The following WRN variants were observed in gnomAD, a reference collection of about 807,000 sequenced individuals.
WRN encodes the protein WRN RecQ like helicase.
Under a neutral mutation model 180.7 loss-of-function variants are expected in WRN, and 149 were observed. The observed-to-expected ratio is 0.82, with a 90% CI of 0.72 to 0.94. The LOEUF is 0.94. WRN is among the 40% of genes least tolerant of loss of function. The pLI is 0.00. For missense variants in WRN, 1,661 were observed against 1,700.1 expected (o/e 0.98, Z 0.40); for synonymous variants, 548 against 568.9 (o/e 0.96, Z 0.52).
intron 7 of WRN, among the ~76,000 whole-genome samples, chr8:31,072,599 C>T (rs969731478): frequency 2.0e-5 from 3 of 152,156 alleles, no homozygotes; most frequent in Non-Finnish European, 1.5e-5. Context: ...TCCTGAATAC[C>T]TCGGGTTTCA....
At chr8:31,100,486 C>A (rs549335081) in intron 17 of WRN, among the ~76,000 whole-genome samples, 7 of 152,214 alleles carry the variant, frequency 4.6e-5, no homozygotes, top group Admixed American at 3.3e-4. Context: ...ATAGCTAATG[C>A]ATGAGATAAA....
chr8:31,048,680 A>G (rs980038415), intron 1 of WRN, among the ~76,000 whole-genome samples: 2 of 152,342 alleles, frequency 1.3e-5, no homozygotes, highest in Middle Eastern at 3.4e-3. Context: ...CTTTCTGTTA[A>G]AAATGAAAGG....
At chr8:31,111,058 G>C (rs1469059683) in intron 18 of WRN, among the ~76,000 whole-genome samples, 1 of 151,630 alleles carries the variant, frequency 6.6e-6, no homozygotes, top group African/African-American at 2.4e-5. Flanking sequence ...TATATAGTAT[G>C]TTATTGATTA....
At chr8:31,073,751 T>G (rs940978705) in intron 7 of WRN, among the ~76,000 whole-genome samples, 1 of 152,066 alleles carries the variant, frequency 6.6e-6, no homozygotes, top group Non-Finnish European at 1.5e-5. Flanking sequence ...GGGCCACTAA[T>G]GAAGGAGGGA....
chr8:31,114,783 C>T (rs551144263), intron 19 of WRN, among the ~76,000 whole-genome samples: 5 of 151,646 alleles, frequency 3.3e-5, no homozygotes, highest in Non-Finnish European at 7.4e-5. Context: ...TATCTGCTAT[C>T]TTTCCATATA....
At chr8:31,145,562 CGTT>C (rs1462774225) in intron 28 of WRN, among the ~76,000 whole-genome samples, 7 of 152,316 alleles carry the variant, frequency 4.6e-5, no homozygotes, top group African/African-American at 1.7e-4. Context: ...AGGAGACTAA[CGTT>C]GTTTTCATGC....
intron 23 of WRN, among the ~76,000 whole-genome samples, chr8:31,126,787 A>C (rs532106288): frequency 1.3e-5 from 2 of 152,208 alleles, no homozygotes; most frequent in Middle Eastern, 3.4e-3. Flanking sequence ...GAGAAAATCA[A>C]CTCAAAAGCT....
intron 18 of WRN, among the ~76,000 whole-genome samples, chr8:31,104,379 G>GT (rs1235014900): frequency 2.0e-5 from 3 of 152,074 alleles, no homozygotes. Flanking sequence ...TGGAGTGCTT[G>GT]TTTTTTTCTG....
At chr8:31,100,467 T>C (rs1254959936) in intron 17 of WRN, among the ~76,000 whole-genome samples, 1 of 152,180 alleles carries the variant, frequency 6.6e-6, no homozygotes, top group Non-Finnish European at 1.5e-5. Context: ...ACTCTTTTTA[T>C]CTCTTTTAAT....
chr8:31,068,229 A>G, intron 6 of WRN, 29 bp from the exon 7 acceptor site: 4 of 1,522,114 alleles, frequency 2.6e-6, no homozygotes, highest in Non-Finnish European at 3.6e-6. Context: ...TCTTTAGCAT[A>G]CTTTTTAAAT....
chr8:31,102,404 A>T lies in WRN; in HGVS notation c.2088+1449A>T, dbSNP rs530382659. On this transcript the variant is annotated intron_variant, in intron 18 of 34. Transcript: ENST00000298139. ...CCTAACAACAGGGATATGTTCTGAG[A>T]AATGTGTTCTTAGGACATTTTGTGG... is the stretch of plus-strand genomic sequence containing the variant. Among the ~76,000 whole-genome samples the T allele has an allele frequency of 1.0e-3, 155 of 152,340 alleles. 2 individuals carry two copies. The highest frequency in any genetic ancestry group is 3.5e-3 in the African/African-American group (146 of 41,574).
At chr8:31,164,951 A>G (rs1019617059) in intron 33 of WRN, among the ~76,000 whole-genome samples, 5 of 152,148 alleles carry the variant, frequency 3.3e-5, no homozygotes, top group African/African-American at 9.6e-5. Flanking sequence ...AATTTACCAT[A>G]GAAATATAAA....
At chr8:31,066,531 A>G (rs1812711811) in intron 5 of WRN, among the ~76,000 whole-genome samples, 1 of 151,452 alleles carries the variant, frequency 6.6e-6, no homozygotes, top group African/African-American at 2.4e-5. Flanking sequence ...ACTTTCATAT[A>G]TTTGCAAATG....
chr8:31,141,837 A>G, intron 26 of WRN, 62 bp downstream of exon 26: 1 of 1,494,024 alleles, frequency 6.7e-7, no homozygotes, highest in Non-Finnish European at 9.3e-7. Context: ...ATGTGATTCA[A>G]ATTATACCAG....
At chr8:31,143,910 T>C (rs1336220126) in intron 28 of WRN, among the ~76,000 whole-genome samples, 1 of 152,200 alleles carries the variant, frequency 6.6e-6, no homozygotes, top group African/African-American at 2.4e-5. Flanking sequence ...GCTGTTACTA[T>C]TTATCGCCAT....
In WRN at chr8:31,174,898, CTTTCTTTCTT is replaced by C. The variant is rs1341389033; in HGVS notation, c.*1806_*1815del. ...TTTCTTTCTTTCTCTCTCTCTCTCT[CTTTCTTTCTT>C]TTTCTTTCTCTTTTTCTTTCTTTCA... On this transcript the variant is annotated 3_prime_UTR_variant, in exon 35 of 35. Transcript: ENST00000298139. Among the ~76,000 whole-genome samples the C allele has an allele frequency of 6.4e-5, 9 of 140,996 alleles. 1 individual carries two copies. In the South Asian group the frequency reaches 2.2e-3, roughly 34 times the overall value. The allele number at this position is 140,996 out of a possible 152,430, so 92.5% of individuals were successfully genotyped here.
Position 31,147,343 on chromosome 8 carries a change from GTTTC to G in WRN, c.3460-17_3460-14del. On this transcript the variant is annotated splice_polypyrimidine_tract_variant and intron_variant, in intron 29 of 34. Coordinates refer to ENST00000298139, the MANE Select transcript of WRN (RefSeq NM_000553.6). ...TTTTAAGTACACTTTAAAAAGTGTT[GTTTC>G]TTTGTTTTTTGTTCAGATTGTGTTA... 1 of 1,609,222 alleles carries G rather than the reference GTTTC, an allele frequency of 6.2e-7. No homozygotes were observed. The highest frequency in any genetic ancestry group is 8.5e-7 in the Non-Finnish European group (1 of 1,175,702).
chr8:31,144,421 C>T (rs1330640837), intron 28 of WRN, among the ~76,000 whole-genome samples: 1 of 149,482 alleles, frequency 6.7e-6, no homozygotes, highest in African/African-American at 2.5e-5. Context: ...CTGCAATCTT[C>T]GCCTCCCGGG....
intron 24 of WRN, among the ~76,000 whole-genome samples, chr8:31,133,589 T>C (rs1353786631): frequency 6.6e-6 from 1 of 152,194 alleles, no homozygotes; most frequent in African/African-American, 2.4e-5. Flanking sequence ...TGAAATATAT[T>C]GAAAACTTCT....
Sources: gnomAD v4.1 joint callset for allele counts (sites outside exome capture counted in the v4.1 genomes callset) on GRCh38, gnomAD v4.1.1 for gene constraint, MANE v1.5 for transcripts, NCBI Gene and HGNC (gene_info 2026-07-23, HGNC 2026-07-21) for gene names.